Variants in DIP2C observed in about 807,000 individuals in gnomAD.
DIP2C encodes disco-interacting protein 2 homolog C.
Under a neutral mutation model 192.4 loss-of-function variants are expected in DIP2C, and 33 were observed. The ratio of observed to expected loss-of-function variants is 0.17; its 90% CI spans 0.13 to 0.23. DIP2C has a LOEUF of 0.23. DIP2C is among the 10% of genes least tolerant of loss of function. The probability of loss-of-function intolerance (pLI) is 1.00; values close to 1 mark genes in which losing one functional copy is unlikely to be tolerated. For synonymous variants in DIP2C, 979 were observed against 864.1 expected (o/e 1.13, Z -2.33); for missense variants, 1,537 against 2,110.1 (o/e 0.73, Z 5.32).
chr10:603,323 A>AC (rs1397646178), intron 1 of DIP2C, among the ~76,000 whole-genome samples: 1 of 136,868 alleles, frequency 7.3e-6, no homozygotes, highest in Non-Finnish European at 1.6e-5. Flanking sequence ...AAAAAAAAAA[A>AC]AAAAAAAAAA....
intron 1 of DIP2C, among the ~76,000 whole-genome samples, chr10:611,612 C>CGA (rs1231633842): frequency 2.6e-5 from 4 of 152,222 alleles, no homozygotes; most frequent in Admixed American, 2.0e-4. Flanking sequence ...AAAAGCTGAG[C>CGA]ATTCCTTGCA....
At chr10:644,549 G>A (rs541308337) in intron 1 of DIP2C, among the ~76,000 whole-genome samples, 3 of 152,384 alleles carry the variant, frequency 2.0e-5, no homozygotes, top group South Asian at 4.1e-4. Flanking sequence ...TCTGCCTGAC[G>A]CCCCCACTTC....
At chr10:548,208 A>ACCCCCACT (rs1783734357) in intron 1 of DIP2C, among the ~76,000 whole-genome samples, 1 of 58,258 alleles carries the variant, frequency 1.7e-5, no homozygotes, top group African/African-American at 6.3e-5. Flanking sequence ...AGTCTGCCCC[A>ACCCCCACT]CCCCCCCCCC....
chr10:378,064 G>C (rs991113798), intron 17 of DIP2C, among the ~76,000 whole-genome samples: 1 of 152,140 alleles, frequency 6.6e-6, no homozygotes, highest in African/African-American at 2.4e-5. Flanking sequence ...CCAGGAAACA[G>C]TTTCCTGGTT....
chr10:613,895 C>A (rs1222411172), intron 1 of DIP2C, among the ~76,000 whole-genome samples: 1 of 152,142 alleles, frequency 6.6e-6, no homozygotes, highest in Admixed American at 6.5e-5. Context: ...GCATCACTCC[C>A]CACAGCTGGA....
chr10:289,523 C>T (rs1955367150), intron 32 of DIP2C, among the ~76,000 whole-genome samples: 1 of 152,318 alleles, frequency 6.6e-6, no homozygotes, highest in East Asian at 1.9e-4. Flanking sequence ...CTGTCTCAGC[C>T]TCAGAAACTG....
chr10:642,480 G>C (rs953328025), intron 1 of DIP2C, among the ~76,000 whole-genome samples: 10 of 152,266 alleles, frequency 6.6e-5, no homozygotes, highest in African/African-American at 2.4e-4. Context: ...CAGGCCACCA[G>C]GTGTCTATTT....
intron 2 of DIP2C, among the ~76,000 whole-genome samples, chr10:484,193 T>C (rs1843828908): frequency 1.3e-5 from 2 of 152,250 alleles, no homozygotes; most frequent in South Asian, 4.1e-4. Context: ...TTCTTCATTC[T>C]GGTGGAAAAT....
chr10:438,362 G>C (rs536181974), intron 4 of DIP2C, among the ~76,000 whole-genome samples: 5 of 152,004 alleles, frequency 3.3e-5, no homozygotes, highest in Non-Finnish European at 7.4e-5. Context: ...CCAAGAATTC[G>C]GTTTAAAATA....
intron 1 of DIP2C, among the ~76,000 whole-genome samples, chr10:610,152 G>C (rs868409350): frequency 1.3e-5 from 2 of 152,290 alleles, no homozygotes; most frequent in Admixed American, 6.5e-5. Flanking sequence ...ACAGAGGAGA[G>C]AGCCCTGTCA....
intron 4 of DIP2C, among the ~76,000 whole-genome samples, chr10:428,274 A>ACC (rs540070633): frequency 1.7e-3 from 254 of 151,824 alleles, no homozygotes; most frequent in African/African-American, 6.0e-3. Context: ...CATAGAGCTA[A>ACC]CCTTTCATCT....
chr10:575,823 A>T (rs1850114089), intron 1 of DIP2C, among the ~76,000 whole-genome samples: 1 of 152,200 alleles, frequency 6.6e-6, no homozygotes, highest in Admixed American at 6.5e-5. Context: ...CAAGGAGCCA[A>T]AGAAGAGTCA....
intron 1 of DIP2C, among the ~76,000 whole-genome samples, chr10:490,903 G>A (rs1394048283): frequency 2.6e-5 from 4 of 152,206 alleles, no homozygotes; most frequent in Non-Finnish European, 5.9e-5. Flanking sequence ...GTCACCAGCA[G>A]AAGGTCGAAT....
intron 18 of DIP2C, among the ~76,000 whole-genome samples, chr10:368,770 C>T (rs539481159): frequency 6.6e-6 from 1 of 152,222 alleles, no homozygotes; most frequent in African/African-American, 2.4e-5. Context: ...AGCCCACACC[C>T]CATGCCTGGA....
chr10:326,900 G>A lies in DIP2C; in HGVS notation c.3924+106C>T, dbSNP rs112689727. 4.1e-3 allele frequency: 5,552 copies of A among 1,359,568 alleles called. 29 individuals are homozygous for A. The highest frequency in any genetic ancestry group is 0.017 in the Middle Eastern group (89 of 5,086). 84.2% of individuals were successfully genotyped at this position (1,359,568 alleles called of 1,614,324 possible). A position where few individuals can be genotyped will look rare whatever the true frequency, so the allele number is the denominator to read the frequency against. ...GCGTGTGACTGAAAGATCTCTTCTG[G>A]ATGTAGCTAAGCATCAGCCGAGGGA... is the stretch of plus-strand genomic sequence containing the variant. On this transcript the variant is annotated intron_variant, in intron 31 of 36. Transcript: ENST00000280886.
Position 347,547 on chromosome 10 carries a change from G to A in DIP2C, c.3231+1094C>T, listed in dbSNP as rs541080083. The stretch of plus-strand genomic sequence containing the variant: ...CACACGCACCCAACCCAGACACATC[G>A]CGCATAGCTCTCCCGGAAACCCCAC... On this transcript the variant is annotated intron_variant, in intron 26 of 36. Coordinates refer to ENST00000280886, the MANE Select transcript of DIP2C (RefSeq NM_014974.3). Among the ~76,000 whole-genome samples, 208 of 114,208 alleles carry A rather than the reference G, an allele frequency of 1.8e-3. 19 individuals are homozygous for A. Among genetic ancestry groups the A allele is most frequent in the African/African-American group, 6.1e-3 (170 of 27,854 alleles). The allele number at this position is 114,208 out of a possible 152,430, so 74.9% of individuals were successfully genotyped here. A position where few individuals can be genotyped will look rare whatever the true frequency, so the allele number is the denominator to read the frequency against.
At chr10:483,516 C>T (rs1423880597) in intron 2 of DIP2C, among the ~76,000 whole-genome samples, 1 of 152,238 alleles carries the variant, frequency 6.6e-6, no homozygotes. Flanking sequence ...GGAGTCCCCC[C>T]ATCCTGAGTC....
intron 18 of DIP2C, among the ~76,000 whole-genome samples, chr10:369,233 C>T (rs1664974763): frequency 1.3e-5 from 2 of 152,192 alleles, no homozygotes. Context: ...TGCACTGGCC[C>T]CGAAGCCTTC....
chr10:579,072 T>C (rs1391772732), intron 1 of DIP2C, among the ~76,000 whole-genome samples: 1 of 152,154 alleles, frequency 6.6e-6, no homozygotes, highest in Non-Finnish European at 1.5e-5. Context: ...CATGTGTATG[T>C]GCATAGAGCA....
Sources: allele counts gnomAD v4.1 joint callset (sites outside exome capture counted in the v4.1 genomes callset), GRCh38; gene constraint gnomAD v4.1.1; transcripts MANE v1.5; gene names NCBI Gene and HGNC (gene_info 2026-07-23, HGNC 2026-07-21).